ZNF385B: variants seen among roughly 807,000 people sequenced by gnomAD.
ZNF385B encodes the protein zinc finger protein 385B.
In ZNF385B, 23 loss-of-function variants were observed where a neutral mutation model predicts 39.2. The observed-to-expected ratio is 0.59, with a 90% confidence interval of 0.42 to 0.83. The LOEUF (loss-of-function observed/expected upper bound fraction) is 0.83. ZNF385B is among the 40% of genes least tolerant of loss of function. The pLI is 0.00. For synonymous variants in ZNF385B, 205 were observed against 222.6 expected, an observed-to-expected ratio of 0.92 and a Z score of 0.70; for missense variants, 552 against 598.9, an observed-to-expected ratio of 0.92 and a Z score of 0.82.
chr2:179,487,199 T>A (rs1257705859), intron 5 of ZNF385B, among the ~76,000 whole-genome samples: 1 of 152,224 alleles, frequency 6.6e-6, no homozygotes, highest in Non-Finnish European at 1.5e-5. Context: ...AAGTGACACT[T>A]CACTGGCCAA....
At chr2:179,567,123 C>T (rs926404040) in intron 3 of ZNF385B, among the ~76,000 whole-genome samples, 1 of 151,962 alleles carries the variant, frequency 6.6e-6, no homozygotes, top group East Asian at 1.9e-4. Flanking sequence ...CCATGTTGGC[C>T]AGGCTGGTCT....
At chr2:179,844,638 A>G (rs1708707698) in intron 1 of ZNF385B, among the ~76,000 whole-genome samples, 1 of 152,186 alleles carries the variant, frequency 6.6e-6, no homozygotes, top group Non-Finnish European at 1.5e-5. Flanking sequence ...CAGCCAAAAG[A>G]ATTATCTGAA....
intron 3 of ZNF385B, among the ~76,000 whole-genome samples, chr2:179,702,223 T>C (rs1347938416): frequency 6.6e-6 from 1 of 152,242 alleles, no homozygotes; most frequent in Non-Finnish European, 1.5e-5. Context: ...CTTGTATTTC[T>C]AAATAAATCA....
chr2:179,486,065 CTTTA>C (rs1339861574), intron 5 of ZNF385B, among the ~76,000 whole-genome samples: 1 of 151,932 alleles, frequency 6.6e-6, no homozygotes, highest in Non-Finnish European at 1.5e-5. Flanking sequence ...ATTTTAGGGC[CTTTA>C]TTTATTACCA....
intron 3 of ZNF385B, among the ~76,000 whole-genome samples, chr2:179,650,527 A>G (rs1693105018): frequency 6.6e-6 from 1 of 152,218 alleles, no homozygotes; most frequent in African/African-American, 2.4e-5. Context: ...AAATGCTGAA[A>G]GGATAACATG....
intron 5 of ZNF385B, among the ~76,000 whole-genome samples, chr2:179,484,111 T>A (rs575664353): frequency 6.6e-5 from 10 of 152,280 alleles, no homozygotes; most frequent in Non-Finnish European, 1.3e-4. Flanking sequence ...ACACAAAGCA[T>A]ATGTAGAACT....
intron 3 of ZNF385B, among the ~76,000 whole-genome samples, chr2:179,680,698 TCA>T (rs1452735239): frequency 3.9e-5 from 6 of 152,174 alleles, no homozygotes; most frequent in Admixed American, 1.3e-4. Context: ...CAATTTCCTC[TCA>T]CCTTTACTGG....
intron 3 of ZNF385B, among the ~76,000 whole-genome samples, chr2:179,723,314 A>G (rs1457023189): frequency 6.6e-6 from 1 of 152,336 alleles, no homozygotes; most frequent in Non-Finnish European, 1.5e-5. Flanking sequence ...GTATAATTAT[A>G]TAACTCAGAG....
chr2:179,460,783 CCAAA>C (rs1254116193), intron 6 of ZNF385B, among the ~76,000 whole-genome samples: 2 of 152,176 alleles, frequency 1.3e-5, no homozygotes, highest in Admixed American at 6.5e-5. Flanking sequence ...GATTTCATTG[CCAAA>C]CAATCAGCAT....
chr2:179,723,581 C>CA (rs1191359593), intron 3 of ZNF385B, among the ~76,000 whole-genome samples: 1 of 151,980 alleles, frequency 6.6e-6, no homozygotes, highest in African/African-American at 2.4e-5. Context: ...GAGTATGTGA[C>CA]AGTAGGCAAA....
rs1690702570 is a variant in ZNF385B at position 179,626,801 on chromosome 2, A to G, written c.299-81832T>C. Among the ~76,000 whole-genome samples, 3 of 152,168 alleles carry G rather than the reference A, an allele frequency of 2.0e-5. No individual in the cohort carries two copies. The South Asian group carries it at 6.2e-4, about 31-fold the overall frequency. On this transcript the variant is annotated intron_variant, in intron 3 of 9. Coordinates refer to ENST00000410066, the MANE Select transcript of ZNF385B (RefSeq NM_152520.6). ...TCTTTCATGAACTGAGACGTTGTTA[A>G]TCACCCAACTTAAAGAATTTGGGAA...
intron 3 of ZNF385B, among the ~76,000 whole-genome samples, chr2:179,652,665 C>G (rs1376869788): frequency 6.6e-6 from 1 of 152,110 alleles, no homozygotes; most frequent in African/African-American, 2.4e-5. Flanking sequence ...GCTAGATGAG[C>G]AGAACCCTAA....
At chr2:179,731,440 T>C (rs1701384179) in intron 3 of ZNF385B, among the ~76,000 whole-genome samples, 1 of 152,230 alleles carries the variant, frequency 6.6e-6, no homozygotes, top group Non-Finnish European at 1.5e-5. Flanking sequence ...TAACTGTTTC[T>C]TCACAATCAA....
chr2:179,567,134 C>T (rs1049272281), intron 3 of ZNF385B, among the ~76,000 whole-genome samples: 2 of 152,018 alleles, frequency 1.3e-5, no homozygotes, highest in African/African-American at 4.8e-5. Context: ...AGGCTGGTCT[C>T]GAACTCCTGA....
chr2:179,567,530 T>C (rs189164605), intron 3 of ZNF385B, among the ~76,000 whole-genome samples: 143 of 152,128 alleles, frequency 9.4e-4, no homozygotes, highest in Non-Finnish European at 1.7e-3. Context: ...GTGGCACAGA[T>C]ATAGAAGTGG....
chr2:179,823,185 T>C (rs986820344), intron 1 of ZNF385B, among the ~76,000 whole-genome samples: 8 of 152,154 alleles, frequency 5.3e-5, no homozygotes, highest in African/African-American at 1.9e-4. Context: ...TGAGACCTAC[T>C]CTTCTGCCTG....
intron 3 of ZNF385B, among the ~76,000 whole-genome samples, chr2:179,632,145 G>C (rs767499532): frequency 1.3e-5 from 2 of 152,106 alleles, no homozygotes; most frequent in African/African-American, 4.8e-5. Flanking sequence ...AGATCAATGA[G>C]ACAGAAGGTT....
intron 3 of ZNF385B, among the ~76,000 whole-genome samples, chr2:179,729,251 C>T (rs1252319564): frequency 1.3e-5 from 2 of 151,468 alleles, no homozygotes; most frequent in African/African-American, 4.9e-5. Flanking sequence ...AAACGAAACA[C>T]AGTTAGAGCT....
chr2:179,700,058 AACAC>A (rs10563648), intron 3 of ZNF385B, among the ~76,000 whole-genome samples: 21 of 148,556 alleles, frequency 1.4e-4, no homozygotes, highest in Admixed American at 7.4e-4. Context: ...CAAACAGAAA[AACAC>A]ACACACACAC....
Sources: gnomAD v4.1 joint callset for allele counts (sites outside exome capture counted in the v4.1 genomes callset) on GRCh38, gnomAD v4.1.1 for gene constraint, MANE v1.5 for transcripts, NCBI Gene and HGNC (gene_info 2026-07-23, HGNC 2026-07-21) for gene names.